PAX5: variants seen among roughly 807,000 people sequenced by gnomAD.
PAX5 encodes paired box 5.
A neutral mutation model predicts 43.7 loss-of-function variants in PAX5; 9 were observed. The ratio of observed to expected loss-of-function variants is 0.21; its 90% confidence interval spans 0.12 to 0.36. The LOEUF (loss-of-function observed/expected upper bound fraction) is 0.36. PAX5 is among the 10% of genes least tolerant of loss of function. PAX5 has a pLI of 1.00. For missense variants in PAX5, 383 were observed against 532.7 expected (o/e 0.72, Z 2.77); for synonymous variants, 228 against 214.3 (o/e 1.06, Z -0.56).
intron 3 of PAX5, among the ~76,000 whole-genome samples, chr9:37,011,295 A>C (rs1412276220): frequency 6.6e-6 from 1 of 152,120 alleles, no homozygotes; most frequent in Non-Finnish European, 1.5e-5. Flanking sequence ...TATTTGACTT[A>C]GTTGCTAATA....
intron 1 of PAX5, among the ~76,000 whole-genome samples, chr9:37,025,706 G>T (rs1840275731): frequency 6.6e-6 from 1 of 152,206 alleles, no homozygotes; most frequent in Non-Finnish European, 1.5e-5. Flanking sequence ...GGATCCCTGC[G>T]GGCCAGGCAG....
intron 7 of PAX5, among the ~76,000 whole-genome samples, chr9:36,913,004 C>G (rs1829429536): frequency 6.6e-6 from 1 of 152,232 alleles, no homozygotes; most frequent in Admixed American, 6.5e-5. Context: ...TCCTCTGACT[C>G]CTGTTCCAGT....
chr9:36,993,086 G>A (rs1185911099), intron 5 of PAX5, among the ~76,000 whole-genome samples: 1 of 152,178 alleles, frequency 6.6e-6, no homozygotes, highest in Non-Finnish European at 1.5e-5. Context: ...AGTCTACAGT[G>A]GAGGTTTTCA....
intron 5 of PAX5, among the ~76,000 whole-genome samples, chr9:36,991,101 C>G (rs1200820699): frequency 5.0e-5 from 4 of 79,644 alleles, no homozygotes; most frequent in African/African-American, 2.0e-4. Context: ...AGAGCCAGAC[C>G]TTGTCTCAAA....
rs576850369 is a variant in PAX5 at position 36,999,903 on chromosome 9, C to T, written c.604+2745G>A. Among the ~76,000 whole-genome samples, 55 of 152,182 alleles carry T rather than the reference C, an allele frequency of 3.6e-4. No individual in the cohort carries two copies. In the Middle Eastern group the frequency reaches 0.01, roughly 28 times the overall value. ...CTTCTGATTGAAACTCTTCCCCATA[C>T]TGGCCCCAGGCTCTGCCCAGCCCCA... is the stretch of plus-strand genomic sequence containing the variant. On this transcript the variant is annotated intron_variant, in intron 5 of 9. Coordinates refer to ENST00000358127, the MANE Select transcript of PAX5 (RefSeq NM_016734.3).
chr9:36,970,674 G>T (rs1044144652), intron 5 of PAX5, among the ~76,000 whole-genome samples: 3 of 152,110 alleles, frequency 2.0e-5, no homozygotes, highest in Admixed American at 6.5e-5. Context: ...CTGTTCAGCC[G>T]CAGGTGATTC....
At position 37,004,676 on chromosome 9, in the gene PAX5, C is replaced by G. The variant is rs1838230488; in HGVS notation, c.475+1797G>C. 2.0e-5 allele frequency among the ~76,000 whole-genome samples: 3 copies of G among 152,220 alleles called. No individual in the cohort carries two copies. In the South Asian group the frequency reaches 6.2e-4, roughly 32 times the overall value. ...AATAGATTTATGCAAATCCCACAAC[C>G]TTTTCTGTATTAACATGTAAAAAAC... On this transcript the variant is annotated intron_variant, in intron 4 of 9. Transcript: ENST00000358127.
chr9:36,844,262 C>T (rs1005104547), intron 9 of PAX5, among the ~76,000 whole-genome samples: 4 of 152,172 alleles, frequency 2.6e-5, no homozygotes, highest in Non-Finnish European at 5.9e-5. Context: ...AACTGCGACT[C>T]AGTCAGGGAG....
At chr9:36,902,926 T>A (rs1181234977) in intron 7 of PAX5, among the ~76,000 whole-genome samples, 1 of 152,154 alleles carries the variant, frequency 6.6e-6, no homozygotes, top group Non-Finnish European at 1.5e-5. Flanking sequence ...CCCAGAGCCC[T>A]AAGTGCAGCC....
intron 3 of PAX5, among the ~76,000 whole-genome samples, chr9:37,014,324 T>G (rs1839209356): frequency 6.6e-6 from 1 of 152,228 alleles, no homozygotes; most frequent in Admixed American, 6.5e-5. Context: ...TCTCTCCCTG[T>G]GTGAGATTCC....
intron 8 of PAX5, among the ~76,000 whole-genome samples, chr9:36,879,097 T>A (rs1006848882): frequency 1.6e-4 from 25 of 152,184 alleles, no homozygotes; most frequent in African/African-American, 5.8e-4. Flanking sequence ...CACCCTCCTC[T>A]GTGCCCAAGG....
chr9:36,892,534 T>G (rs1201697692), intron 7 of PAX5, among the ~76,000 whole-genome samples: 1 of 152,220 alleles, frequency 6.6e-6, no homozygotes, highest in Non-Finnish European at 1.5e-5. Flanking sequence ...AGAGGTGAGC[T>G]GGATGCAGGC....
At position 36,952,234 on chromosome 9, in the gene PAX5, C is replaced by CTTTTTTTTTTTTTTTTTTTTTTTTTTT. The variant is rs138009049; in HGVS notation, c.780+14314_780+14315insAAAAAAAAAAAAAAAAAAAAAAAAAAA. On this transcript the variant is annotated intron_variant, in intron 6 of 9. Transcript: ENST00000358127. The stretch of plus-strand genomic sequence containing the variant: ...TTTTTAATATGCTCTGACCATCTCC[C>CTTTTTTTTTTTTTTTTTTTTTTTTTTT]TTTTTTTTTTTTTTTTTTTTTTTGA... Among the ~76,000 whole-genome samples the CTTTTTTTTTTTTTTTTTTTTTTTTTTT allele has an allele frequency of 3.0e-5, 2 of 66,662 alleles. 1 individual carries two copies. Among genetic ancestry groups the CTTTTTTTTTTTTTTTTTTTTTTTTTTT allele is most frequent in the Non-Finnish European group, 5.1e-5 (2 of 39,154 alleles). The allele number at this position is 66,662 out of a possible 152,430, so 43.7% of individuals were successfully genotyped here. A position where few individuals can be genotyped will look rare whatever the true frequency, so the allele number is the denominator to read the frequency against.
intron 5 of PAX5, among the ~76,000 whole-genome samples, chr9:36,974,838 C>T (rs573952982): frequency 6.6e-6 from 1 of 152,236 alleles, no homozygotes; most frequent in South Asian, 2.1e-4. Context: ...CCCGAGGCCT[C>T]GACGACCTGC....
At chr9:36,868,402 G>A (rs938088887) in intron 8 of PAX5, among the ~76,000 whole-genome samples, 4 of 152,244 alleles carry the variant, frequency 2.6e-5, no homozygotes, top group East Asian at 1.9e-4. Flanking sequence ...GGAGACGGGC[G>A]CACGGGGTCT....
chr9:36,943,998 C>A (rs1223281548), intron 6 of PAX5, among the ~76,000 whole-genome samples: 1 of 152,000 alleles, frequency 6.6e-6, no homozygotes, highest in Non-Finnish European at 1.5e-5. Context: ...CCAGCCTGGA[C>A]AACATAGCAA....
chr9:36,957,070 T>C (rs1051339728), intron 6 of PAX5, among the ~76,000 whole-genome samples: 20 of 152,202 alleles, frequency 1.3e-4, no homozygotes, highest in African/African-American at 4.6e-4. Flanking sequence ...GAGTCACTTA[T>C]CCGACTGGTC....
intron 6 of PAX5, among the ~76,000 whole-genome samples, chr9:36,941,721 A>G (rs1832068499): frequency 6.6e-6 from 1 of 151,212 alleles, no homozygotes; most frequent in African/African-American, 2.4e-5. Context: ...TGGTGGACCC[A>G]CAAGTCAAGG....
chr9:36,994,064 G>T (rs1349750591), intron 5 of PAX5, among the ~76,000 whole-genome samples: 2 of 152,176 alleles, frequency 1.3e-5, no homozygotes, highest in African/African-American at 4.8e-5. Context: ...ACCCAGGAGC[G>T]AGGAGGAACC....
Sources: gnomAD v4.1 joint callset for allele counts (sites outside exome capture counted in the v4.1 genomes callset) on GRCh38, gnomAD v4.1.1 for gene constraint, MANE v1.5 for transcripts, NCBI Gene and HGNC (gene_info 2026-07-23, HGNC 2026-07-21) for gene names.